Variants in NCKAP5L observed in about 807,000 individuals in gnomAD.
The protein encoded by NCKAP5L is NCK associated protein 5 like, also known as nck-associated protein 5-like.
NCKAP5L carries 54 observed loss-of-function variants against 103.2 expected under a neutral mutation model. The observed-to-expected ratio is 0.52, with a 90% CI of 0.42 to 0.66. The LOEUF (loss-of-function observed/expected upper bound fraction) is 0.66, where lower values mean the gene tolerates loss of function less well. Among genes scored for constraint, NCKAP5L ranks in the 30% least tolerant of loss-of-function variants. The pLI is 0.00. For synonymous variants in NCKAP5L, 762 were observed against 748.6 expected (o/e 1.02, Z -0.29); for missense variants, 1,733 against 1,750.6 (o/e 0.99, Z 0.18).
chr12:49,819,934 G>C (rs1046410162), intron 1 of NCKAP5L, among the ~76,000 whole-genome samples: 1 of 152,244 alleles, frequency 6.6e-6, no homozygotes, highest in Non-Finnish European at 1.5e-5. Flanking sequence ...GAAGTGAGGA[G>C]GCAGAAACCT....
Position 49,795,424 on chromosome 12 carries a change from G to C in NCKAP5L, c.2436C>G (p.His812Gln). Residue 812 changes from histidine (H) to glutamine (Q), a missense_variant, in exon 8 of 13, where the codon CAC becomes CAG. Coordinates refer to ENST00000335999, the MANE Select transcript of NCKAP5L (RefSeq NM_001037806.4). ...PSLGKPNKSP[H>Q]SSPTKLPSKS... ...TGGAAGGGAGCTTGGTGGGGCTGCT[G>C]TGAGGGCTCTTATTGGGCTTGCCCA... 1 of 1,585,358 alleles carries C rather than the reference G, an allele frequency of 6.3e-7. No homozygotes were observed. Among genetic ancestry groups the C allele is most frequent in the Non-Finnish European group, 8.6e-7 (1 of 1,168,790 alleles).
intron 1 of NCKAP5L, among the ~76,000 whole-genome samples, chr12:49,823,421 G>C (rs1210849545): frequency 6.6e-6 from 1 of 152,152 alleles, no homozygotes; most frequent in Non-Finnish European, 1.5e-5. Flanking sequence ...GAGAACCCCA[G>C]AGCCACACTA....
intron 1 of NCKAP5L, among the ~76,000 whole-genome samples, chr12:49,807,011 G>C (rs1032087965): frequency 5.7e-4 from 87 of 152,264 alleles, no homozygotes; most frequent in African/African-American, 2.0e-3. Context: ...TTCACACAGA[G>C]GCCGACTCCG....
intron 10 of NCKAP5L, 98 bp downstream of exon 10, chr12:49,793,254 G>A: frequency 8.0e-7 from 1 of 1,252,606 alleles, no homozygotes; most frequent in Non-Finnish European, 1.1e-6. Context: ...ATGGCACACA[G>A]AGCCTGGCAC....
intron 1 of NCKAP5L, among the ~76,000 whole-genome samples, chr12:49,816,146 G>A (rs994979930): frequency 6.6e-6 from 1 of 152,124 alleles, no homozygotes; most frequent in African/African-American, 2.4e-5. Flanking sequence ...CCTGTGAAGA[G>A]GAGGGGACTC....
At chr12:49,813,879 G>A (rs2137030239) in intron 1 of NCKAP5L, among the ~76,000 whole-genome samples, 1 of 152,084 alleles carries the variant, frequency 6.6e-6, no homozygotes, top group East Asian at 1.9e-4. Context: ...AGGCCGGAGT[G>A]CACTGCCACA....
In NCKAP5L at chr12:49,803,918, G is replaced by C; in HGVS notation, c.123+4C>G. Reference sequence around the variant, plus strand: ...TGCTGCCCCTACCACGCCCCATGCCGCACCTCCAGCTCCCGCAGTCGGTGC... The same window carrying C: ...TGCTGCCCCTACCACGCCCCATGCCCCACCTCCAGCTCCCGCAGTCGGTGC... On this transcript the variant is annotated splice_donor_region_variant and intron_variant, in intron 3 of 12. Transcript: ENST00000335999. 1 of 1,605,422 alleles carries C rather than the reference G, an allele frequency of 6.2e-7. No homozygotes were observed. Among genetic ancestry groups the C allele is most frequent in the Non-Finnish European group, 8.5e-7 (1 of 1,179,652 alleles).
chr12:49,815,139 A>G (rs954422951), intron 1 of NCKAP5L, among the ~76,000 whole-genome samples: 1 of 152,204 alleles, frequency 6.6e-6, no homozygotes, highest in African/African-American at 2.4e-5. Context: ...TTATAAAGTC[A>G]CTATTTTTCC....
Position 49,798,430 on chromosome 12 carries a change from G to C in NCKAP5L, c.385C>G (p.Pro129Ala), listed in dbSNP as rs1380942812. The C allele has an allele frequency of 1.9e-6, 3 of 1,581,500 alleles. No homozygotes were observed. The highest frequency in any genetic ancestry group is 8.6e-7 in the Non-Finnish European group (1 of 1,163,696). The change falls in exon 7 of 13, where the codon CCA becomes GCA. Residue 129 changes from proline (P) to alanine (A), a missense_variant. Transcript: ENST00000335999. The part of the protein sequence containing the change: ...PLTPLQPPSE[P>A]PASPSLSSTE... ...GAGCTCAGGGAGGGGGAGGCTGGTGGCTCTGATGGTGGCTGGAGTGGAGTG... is the reference window on the plus strand; with the variant it reads ...GAGCTCAGGGAGGGGGAGGCTGGTGCCTCTGATGGTGGCTGGAGTGGAGTG...
intron 1 of NCKAP5L, among the ~76,000 whole-genome samples, chr12:49,821,088 G>A (rs893700188): frequency 6.6e-6 from 1 of 152,172 alleles, no homozygotes; most frequent in East Asian, 1.9e-4. Context: ...GGGATAAGCT[G>A]CTGGCTTTGA....
In NCKAP5L at chr12:49,797,493, C is replaced by G; in HGVS notation, c.466-99G>C. 1 of 863,224 alleles carries G rather than the reference C, an allele frequency of 1.2e-6. No homozygotes were observed. The highest frequency in any genetic ancestry group is 1.8e-6 in the Non-Finnish European group (1 of 567,510). The allele number at this position is 863,224 out of a possible 1,614,324, so 53.5% of individuals were successfully genotyped here. A position where few individuals can be genotyped will look rare whatever the true frequency, so the allele number is the denominator to read the frequency against. On this transcript the variant is annotated intron_variant, in intron 7 of 12. Transcript: ENST00000335999. This position sits in a 1 kb window ranked among gnomAD's most constrained non-coding sequence, Gnocchi z 4.5. ...CTGGCTTAACAGGGAATGCCAGGAA[C>G]AGAGCTGGCCTGGTTGTGTCTGTGT... is the stretch of plus-strand genomic sequence containing the variant.
At chr12:49,793,077 C>A (rs1592745653) in intron 10 of NCKAP5L, 91 bp from the exon 11 acceptor site, 1 of 1,092,000 alleles carries the variant, frequency 9.2e-7, no homozygotes. Flanking sequence ...AGGCTCCACC[C>A]TTACTCAGGG....
At chr12:49,812,240 G>A (rs1446262382) in intron 1 of NCKAP5L, among the ~76,000 whole-genome samples, 1 of 152,082 alleles carries the variant, frequency 6.6e-6, no homozygotes, top group Non-Finnish European at 1.5e-5. Context: ...TGTCTCTATT[G>A]AGTTCCCTAT....
chr12:49,799,109 G>A (rs924063760), intron 6 of NCKAP5L, among the ~76,000 whole-genome samples: 5 of 151,836 alleles, frequency 3.3e-5, no homozygotes, highest in African/African-American at 4.8e-5. Flanking sequence ...TCTCTGCAGC[G>A]CCCCTCAAGG....
intron 1 of NCKAP5L, among the ~76,000 whole-genome samples, chr12:49,824,062 C>T (rs2137045610): frequency 6.6e-6 from 1 of 152,308 alleles, no homozygotes; most frequent in East Asian, 1.9e-4. Flanking sequence ...GTTCCAGAGT[C>T]CTCCAGACTT....
At chr12:49,826,705 G>A (rs1200132864) in intron 1 of NCKAP5L, among the ~76,000 whole-genome samples, 3 of 152,140 alleles carry the variant, frequency 2.0e-5, no homozygotes, top group Admixed American at 6.6e-5. Flanking sequence ...AACTGTCTTG[G>A]CCAAGGTCAT....
chr12:49,810,528 G>A (rs1946228672), intron 1 of NCKAP5L, among the ~76,000 whole-genome samples: 2 of 152,176 alleles, frequency 1.3e-5, no homozygotes, highest in Admixed American at 6.5e-5. Context: ...CCAGGGGTCT[G>A]TAAGGTCAAA....
At chr12:49,815,006 G>A (rs2137031927) in intron 1 of NCKAP5L, among the ~76,000 whole-genome samples, 1 of 152,382 alleles carries the variant, frequency 6.6e-6, no homozygotes, top group Middle Eastern at 3.4e-3. Flanking sequence ...GAATACCACG[G>A]AGGTGATATG....
chr12:49,793,551 G>A (rs1272443053), intron 9 of NCKAP5L, 118 bp from the exon 10 acceptor site: 4 of 1,265,050 alleles, frequency 3.2e-6, no homozygotes, highest in Non-Finnish European at 3.3e-6. Flanking sequence ...TTAGGGCCCA[G>A]GAGTATGGAT....
Sources: allele counts gnomAD v4.1 joint callset (sites outside exome capture counted in the v4.1 genomes callset), GRCh38; gene constraint gnomAD v4.1.1; non-coding constraint Gnocchi (gnomAD v3.1); transcripts MANE v1.5; gene names NCBI Gene and HGNC (gene_info 2026-07-23, HGNC 2026-07-21).